Variants in ATMIN observed in about 807,000 individuals in gnomAD.
ATMIN encodes the protein ATM INteracting protein.
A neutral mutation model predicts 49.2 loss-of-function variants in ATMIN; 24 were observed. The observed-to-expected ratio is 0.49, with a 90% CI of 0.35 to 0.69. ATMIN has a LOEUF of 0.69. Ranked by LOEUF, ATMIN falls within the 30% of genes least tolerant of loss-of-function variation. The pLI is 0.00. For synonymous variants in ATMIN, 450 were observed against 392.5 expected, an observed-to-expected ratio of 1.15 and a Z score of -1.73; for missense variants, 1,037 against 1,005.5, an observed-to-expected ratio of 1.03 and a Z score of -0.42.
At chr16:81,042,534 G>C in intron 3 of ATMIN, 54 bp downstream of exon 3, 1 of 1,559,900 alleles carries the variant, frequency 6.4e-7, no homozygotes, top group Non-Finnish European at 8.8e-7. Flanking sequence ...AAGCATTTCA[G>C]ATGAAACATC....
In ATMIN at chr16:81,036,068, GGA is replaced by G; in HGVS notation, c.200_201del (p.Glu67AlafsTer69). 7.6e-7 allele frequency: 1 copy of G among 1,310,740 alleles called. No individual in the cohort carries two copies. The highest frequency in any genetic ancestry group is 9.8e-7 in the Non-Finnish European group (1 of 1,019,482). 81.2% of individuals were successfully genotyped at this position (1,310,740 alleles called of 1,614,324 possible). ...CCGCTGTCCCCGCGCCGCCGGCGGGGGAGCTGATCCAGCCGTCGGTGAGCGAG... is the reference window on the plus strand; with the variant it reads ...CCGCTGTCCCCGCGCCGCCGGCGGGGGCTGATCCAGCCGTCGGTGAGCGAG... ...QPAVPAPPAG[E>X]LIQPSVSELS... is the part of the protein sequence containing the mutation. On this transcript the variant is annotated frameshift_variant, in exon 1 of 4. Coordinates refer to ENST00000299575, the MANE Select transcript of ATMIN (RefSeq NM_015251.3). LOFTEE classifies it high-confidence loss of function.
At chr16:81,040,991 A>G in intron 1 of ATMIN, 1 of 215,194 alleles carries the variant, frequency 4.6e-6, no homozygotes, top group Non-Finnish European at 9.4e-6. Context: ...TGAAAGGATT[A>G]CCGAGCTTCA....
In ATMIN at chr16:81,044,688, C is replaced by A; in HGVS notation, c.2190C>A (p.Ser730=). 3.1e-6 allele frequency: 5 copies of A among 1,614,150 alleles called. No individual in the cohort carries two copies. Among genetic ancestry groups the A allele is most frequent in the Non-Finnish European group, 3.4e-6 (4 of 1,180,022 alleles). Residue 730 remains serine, a synonymous_variant, in exon 4 of 4, where the codon TCC becomes TCA. Transcript: ENST00000299575. ...GTATTCTGAAACACTCCAGCTTTTC[C>A]GTGAGTACTGATTCATCTGACACAG... ...LGSILKHSSF[S]VSTDSSDTET...
In ATMIN at chr16:81,046,965, T is replaced by G. The variant is rs1434696071; in HGVS notation, c.*1995T>G. 6.6e-6 allele frequency: 1 copy of G among 152,608 alleles called. No individual in the cohort carries two copies. Among genetic ancestry groups the G allele is most frequent in the African/African-American group, 2.4e-5 (1 of 41,450 alleles). The allele number at this position is 152,608 out of a possible 1,614,324, so 9.5% of individuals were successfully genotyped here. Reference sequence around the variant, plus strand: ...AGCCTTAACTTAGAATTTCATTATGTTTTAGAATCATCACTGCCTTAATAT... The same window carrying G: ...AGCCTTAACTTAGAATTTCATTATGGTTTAGAATCATCACTGCCTTAATAT... On this transcript the variant is annotated 3_prime_UTR_variant, in exon 4 of 4. Coordinates refer to ENST00000299575, the MANE Select transcript of ATMIN (RefSeq NM_015251.3).
Position 81,045,559 on chromosome 16 carries a change from G to A in ATMIN, c.*589G>A, listed in dbSNP as rs1971103895. 6.5e-6 allele frequency: 1 copy of A among 152,914 alleles called. No homozygotes were observed. The highest frequency in any genetic ancestry group is 1.5e-5 in the Non-Finnish European group (1 of 68,638). 9.5% of individuals were successfully genotyped at this position (152,914 alleles called of 1,614,324 possible). A position where few individuals can be genotyped will look rare whatever the true frequency, so the allele number is the denominator to read the frequency against. ...CCAAGGAAAACTACAACTGTCTTTA[G>A]CTTTGAAGCAGTTTTCATGTAATCA... On this transcript the variant is annotated 3_prime_UTR_variant, in exon 4 of 4. Coordinates refer to ENST00000299575, the MANE Select transcript of ATMIN (RefSeq NM_015251.3).
Position 81,043,298 on chromosome 16 carries a change from T to A in ATMIN, c.800T>A (p.Leu267Gln). ...GAACTAGAAGCTTCAGAAATAAAGCTAGAACCATCTTTTGAAGACTCTTGT... is the reference window on the plus strand; with the variant it reads ...GAACTAGAAGCTTCAGAAATAAAGCAAGAACCATCTTTTGAAGACTCTTGT... Reference protein sequence around the residue: ...TQELEASEIKLEPSFEDSCGS... With the variant: ...TQELEASEIKQEPSFEDSCGS... Residue 267 changes from leucine (L) to glutamine (Q), a missense_variant, in exon 4 of 4, where the codon CTA becomes CAA. Coordinates refer to ENST00000299575, the MANE Select transcript of ATMIN (RefSeq NM_015251.3). 2 of 1,614,174 alleles carry A rather than the reference T, an allele frequency of 1.2e-6. No individual in the cohort carries two copies. The highest frequency in any genetic ancestry group is 1.7e-6 in the Non-Finnish European group (2 of 1,180,026).
In ATMIN at chr16:81,043,276, C is replaced by G. The variant is rs1181475636; in HGVS notation, c.778C>G (p.Leu260Val). The G allele has an allele frequency of 1.2e-6, 2 of 1,614,066 alleles. No homozygotes were observed. Among genetic ancestry groups the G allele is most frequent in the Non-Finnish European group, 1.7e-6 (2 of 1,180,044 alleles). ...QPIPRPDTQELEASEIKLEPS... is the reference protein window; with the variant it reads ...QPIPRPDTQEVEASEIKLEPS... ...AATCCCTAGACCAGACACTCAAGAA[C>G]TAGAAGCTTCAGAAATAAAGCTAGA... Residue 260 changes from leucine to valine, a missense_variant, in exon 4 of 4, where the codon CTA (leucine) becomes GTA (valine). Coordinates refer to ENST00000299575, the MANE Select transcript of ATMIN (RefSeq NM_015251.3).
In ATMIN at chr16:81,036,064, C is replaced by T. The variant is rs767955536; in HGVS notation, c.194C>T (p.Ala65Val). The change falls in exon 1 of 4, where the codon GCG becomes GTG. Residue 65 changes from alanine (A) to valine (V), a missense_variant. Transcript: ENST00000299575. ...TQQPAVPAPP[A>V]GELIQPSVSE... ...CAGCCCGCTGTCCCCGCGCCGCCGG[C>T]GGGGGAGCTGATCCAGCCGTCGGTG... The T allele has an allele frequency of 6.2e-6, 8 of 1,296,230 alleles. No individual in the cohort carries two copies. The highest frequency in any genetic ancestry group is 3.2e-5 in the East Asian group (1 of 31,504). 80.3% of individuals were successfully genotyped at this position (1,296,230 alleles called of 1,614,324 possible).
chr16:81,036,839 G>A (rs992217627), intron 1 of ATMIN, among the ~76,000 whole-genome samples: 1 of 152,158 alleles, frequency 6.6e-6, no homozygotes, highest in Non-Finnish European at 1.5e-5. Flanking sequence ...CACCCCATCA[G>A]TAGGAATAAT....
At position 81,036,079 on chromosome 16, in the gene ATMIN, A is replaced by T. The variant is rs753373001; in HGVS notation, c.209A>T (p.Gln70Leu). The T allele has an allele frequency of 9.0e-6, 12 of 1,338,992 alleles. No individual in the cohort carries two copies. In the South Asian group the frequency reaches 2.1e-4, roughly 23 times the overall value. The allele number at this position is 1,338,992 out of a possible 1,614,324, so 82.9% of individuals were successfully genotyped here. A position where few individuals can be genotyped will look rare whatever the true frequency, so the allele number is the denominator to read the frequency against. The change falls in exon 1 of 4, where the codon CAG becomes CTG. Residue 70 changes from glutamine (Q) to leucine (L), a missense_variant. Coordinates refer to ENST00000299575, the MANE Select transcript of ATMIN (RefSeq NM_015251.3). Reference sequence around the variant, plus strand: ...GCGCCGCCGGCGGGGGAGCTGATCCAGCCGTCGGTGAGCGAGCTGTCCCGG... The same window carrying T: ...GCGCCGCCGGCGGGGGAGCTGATCCTGCCGTCGGTGAGCGAGCTGTCCCGG... ...VPAPPAGELI[Q>L]PSVSELSRAV...
rs777232747 is a variant in ATMIN, at chr16:81,045,013, C to T, written c.*43C>T. 1 of 1,577,996 alleles carries T rather than the reference C, an allele frequency of 6.3e-7. No homozygotes were observed. ...ATGTGTGAAATGGCATCTACCATTT[C>T]CTCTGGATTAAAACTACGGACTGGG... On this transcript the variant is annotated 3_prime_UTR_variant, in exon 4 of 4. Transcript: ENST00000299575.
rs1971037827 is a variant in ATMIN at position 81,041,498 on chromosome 16, G to A, written c.462+17G>A. 6.3e-7 allele frequency: 1 copy of A among 1,592,526 alleles called. No individual in the cohort carries two copies. Among genetic ancestry groups the A allele is most frequent in the African/African-American group, 1.4e-5 (1 of 73,208 alleles). ...GTAAAACAGGTACTCTCTACTCTGA[G>A]GATGAGATACAGATGCTAAAAACCT... On this transcript the variant is annotated intron_variant, in intron 2 of 3. Coordinates refer to ENST00000299575, the MANE Select transcript of ATMIN (RefSeq NM_015251.3).
At position 81,044,081 on chromosome 16, in the gene ATMIN, C is replaced by T; in HGVS notation, c.1583C>T (p.Ala528Val). 6.2e-7 allele frequency: 1 copy of T among 1,614,152 alleles called. No individual in the cohort carries two copies. The highest frequency in any genetic ancestry group is 8.5e-7 in the Non-Finnish European group (1 of 1,180,030). The change falls in exon 4 of 4, where the codon GCT (alanine) becomes GTT (valine). Residue 528 changes from alanine (A) to valine (V), a missense_variant. Ala to Val is a moderately conservative substitution (Grantham distance 64). Transcript: ENST00000299575. ...FESVHSSYNV[A>V]TGNIISNSLV... is the part of the protein sequence containing the mutation. ...AGTGTTCATTCATCATATAATGTTG[C>T]TACAGGTAACATTATAAGCAACAGT... is the stretch of plus-strand genomic sequence containing the variant.
In ATMIN at chr16:81,046,661, G is replaced by GACACACACACACACACACAC. The variant is rs56038631; in HGVS notation, c.*1702_*1721dup. The GACACACACACACACACACAC allele has an allele frequency of 1.7e-4, 25 of 147,312 alleles. No individual in the cohort carries two copies. The highest frequency in any genetic ancestry group is 6.0e-4 in the East Asian group (3 of 4,966). The allele number at this position is 147,312 out of a possible 1,614,324, so 9.1% of individuals were successfully genotyped here. On this transcript the variant is annotated 3_prime_UTR_variant, in exon 4 of 4. Coordinates refer to ENST00000299575, the MANE Select transcript of ATMIN (RefSeq NM_015251.3). ...GTGCAGCCTGTAAGTTCTCCACATTGACACACACACACACACACACACACA... is the reference window on the plus strand; with the variant it reads ...GTGCAGCCTGTAAGTTCTCCACATTGACACACACACACACACACACACACACACACACACACACACACACA...
Position 81,035,897 on chromosome 16 carries a change from G to A in ATMIN, c.27G>A (p.Ala9=). Reference sequence around the variant, plus strand: ...TGGCGGCCTCGGAGGCGGCGGCGGCGGCGGGGTCCGCGGCTCTGGCGGCGG... The same window carrying A: ...TGGCGGCCTCGGAGGCGGCGGCGGCAGCGGGGTCCGCGGCTCTGGCGGCGG... The part of the protein sequence containing the change: MAASEAAA[A]AGSAALAAGA... The change falls in exon 1 of 4, where the codon GCG becomes GCA. Residue 9 remains alanine, a synonymous_variant. Transcript: ENST00000299575. 1.0e-6 allele frequency: 1 copy of A among 980,528 alleles called. No homozygotes were observed. Among genetic ancestry groups the A allele is most frequent in the South Asian group, 4.5e-5 (1 of 22,052 alleles). The allele number at this position is 980,528 out of a possible 1,614,324, so 60.7% of individuals were successfully genotyped here. A position where few individuals can be genotyped will look rare whatever the true frequency, so the allele number is the denominator to read the frequency against.
In ATMIN at chr16:81,043,756, G is replaced by T; in HGVS notation, c.1258G>T (p.Ala420Ser). 4 of 1,614,220 alleles carry T rather than the reference G, an allele frequency of 2.5e-6. No homozygotes were observed. Among genetic ancestry groups the T allele is most frequent in the Non-Finnish European group, 3.4e-6 (4 of 1,180,042 alleles). Residue 420 changes from alanine to serine, a missense_variant, in exon 4 of 4, where the codon GCC (alanine) becomes TCC (serine). Physicochemically the swap from Ala to Ser is moderately conservative, Grantham distance 99. Transcript: ENST00000299575. The part of the protein sequence containing the change: ...SINVQTDLSY[A>S]SQNFIPSAQW... ...CAACGTGCAGACAGATCTGTCTTAT[G>T]CCTCACAAAACTTTATACCTTCTGC...
intron 1 of ATMIN, among the ~76,000 whole-genome samples, chr16:81,036,762 C>T (rs559336375): frequency 1.3e-5 from 2 of 152,034 alleles, no homozygotes; most frequent in Non-Finnish European, 2.9e-5. Flanking sequence ...CGTTTGAGGT[C>T]GAGGACATGT....
At position 81,043,906 on chromosome 16, in the gene ATMIN, T is replaced by G. The variant is rs755244623; in HGVS notation, c.1408T>G (p.Ser470Ala). 2.5e-6 allele frequency: 4 copies of G among 1,614,194 alleles called. No individual in the cohort carries two copies. In the African/African-American group the frequency reaches 5.3e-5, roughly 22 times the overall value. ...ATTTTTGCCCAGCTCTAAGGTAACTTCATCTATAGCTGCTCAGACTGATGC... is the reference window on the plus strand; with the variant it reads ...ATTTTTGCCCAGCTCTAAGGTAACTGCATCTATAGCTGCTCAGACTGATGC... ...QTFLPSSKVT[S>A]SIAAQTDAFM... Residue 470 changes from serine (S) to alanine (A), a missense_variant, in exon 4 of 4, where the codon TCA (serine) becomes GCA (alanine). Coordinates refer to ENST00000299575, the MANE Select transcript of ATMIN (RefSeq NM_015251.3).
intron 1 of ATMIN, 68 bp from the exon 2 acceptor site, chr16:81,041,288 C>A: frequency 1.3e-6 from 2 of 1,504,392 alleles, no homozygotes; most frequent in Non-Finnish European, 1.8e-6. Context: ...TTCAGTCATT[C>A]CGTTTCCACT....
Sources: allele counts gnomAD v4.1 joint callset (sites outside exome capture counted in the v4.1 genomes callset), GRCh38; gene constraint gnomAD v4.1.1; transcripts MANE v1.5; gene names NCBI Gene and HGNC (gene_info 2026-07-23, HGNC 2026-07-21).